Variants in LRRTM4 observed in about 807,000 individuals in gnomAD.
The protein encoded by LRRTM4 is leucine rich repeat transmembrane neuronal 4.
Under a neutral mutation model 47.6 loss-of-function variants are expected in LRRTM4, and 25 were observed. That is an observed-to-expected ratio of 0.53 (90% CI 0.38 to 0.73). The LOEUF is 0.73. Ranked by LOEUF, LRRTM4 falls within the 30% of genes least tolerant of loss-of-function variation. LRRTM4 has a pLI of 0.00. For synonymous variants in LRRTM4, 311 were observed against 269.5 expected, an observed-to-expected ratio of 1.15 and a Z score of -1.51; for missense variants, 638 against 713.4, an observed-to-expected ratio of 0.89 and a Z score of 1.20.
At chr2:77,014,523 T>TATATATATATATATATA (rs1677989293) in intron 3 of LRRTM4, among the ~76,000 whole-genome samples, 5 of 149,694 alleles carry the variant, frequency 3.3e-5, no homozygotes, top group South Asian at 2.1e-4. Context: ...TATATAAAGA[T>TATATATATATATATATA]TTTATAGGCC....
chr2:76,875,308 C>G (rs1045349855), intron 3 of LRRTM4, among the ~76,000 whole-genome samples: 1 of 152,092 alleles, frequency 6.6e-6, no homozygotes, highest in Non-Finnish European at 1.5e-5. Flanking sequence ...CCTGATTTCC[C>G]TCTTGAAACT....
chr2:77,218,050 A>G (rs1674509033), intron 3 of LRRTM4, among the ~76,000 whole-genome samples: 2 of 152,118 alleles, frequency 1.3e-5, no homozygotes, highest in Admixed American at 1.3e-4. Flanking sequence ...GCTGGAGTGC[A>G]GTGGCATGGT....
At chr2:77,083,822 T>TTTTTTTTTTTTTTTC (rs1558569872) in intron 3 of LRRTM4, among the ~76,000 whole-genome samples, 3 of 119,838 alleles carry the variant, frequency 2.5e-5, no homozygotes, top group African/African-American at 1.1e-4. Flanking sequence ...TTTTTTTTTT[T>TTTTTTTTTTTTTTTC]CAGACGGAGT....
At chr2:77,185,703 C>T (rs72913923) in intron 3 of LRRTM4, among the ~76,000 whole-genome samples, 3,507 of 152,160 alleles carry the variant, frequency 0.023, 122 homozygotes, top group African/African-American at 0.08. Context: ...TGCCCATAAG[C>T]CACATGCATC....
intron 3 of LRRTM4, among the ~76,000 whole-genome samples, chr2:77,442,275 A>G (rs74380924): frequency 0.011 from 1,604 of 152,292 alleles, 26 homozygotes; most frequent in African/African-American, 0.036. Flanking sequence ...GGTGAAATCT[A>G]CCACATTCAA....
At chr2:77,321,441 C>T (rs1194963743) in intron 3 of LRRTM4, among the ~76,000 whole-genome samples, 1 of 150,976 alleles carries the variant, frequency 6.6e-6, no homozygotes, top group Non-Finnish European at 1.5e-5. Context: ...TTAGAAAGGT[C>T]TCCCATACAG....
chr2:77,015,804 G>A (rs977521958), intron 3 of LRRTM4, among the ~76,000 whole-genome samples: 1 of 152,076 alleles, frequency 6.6e-6, no homozygotes, highest in Non-Finnish European at 1.5e-5. Flanking sequence ...TACCAAGGAG[G>A]ATAAGAGAAC....
intron 3 of LRRTM4, among the ~76,000 whole-genome samples, chr2:77,510,245 G>T (rs1573510304): frequency 6.6e-6 from 1 of 151,970 alleles, no homozygotes; most frequent in South Asian, 2.1e-4. Flanking sequence ...GTCAGTTAAA[G>T]GAAACAAGAA....
At chr2:77,042,555 C>A (rs1041381711) in intron 3 of LRRTM4, among the ~76,000 whole-genome samples, 1 of 151,596 alleles carries the variant, frequency 6.6e-6, no homozygotes, top group African/African-American at 2.4e-5. Flanking sequence ...TTTTGTATAA[C>A]ACAGTCTAGA....
At chr2:77,429,598 G>T (rs1675275361) in intron 3 of LRRTM4, among the ~76,000 whole-genome samples, 1 of 152,058 alleles carries the variant, frequency 6.6e-6, no homozygotes, top group South Asian at 2.1e-4. Flanking sequence ...AATAAGCCAG[G>T]CACAGAAAGA....
intron 3 of LRRTM4, among the ~76,000 whole-genome samples, chr2:76,878,199 C>T (rs566476866): frequency 2.1e-4 from 32 of 152,190 alleles, no homozygotes; most frequent in East Asian, 5.8e-4. Context: ...GCACAGCAAA[C>T]GGCACTCATA....
intron 3 of LRRTM4, among the ~76,000 whole-genome samples, chr2:77,015,994 A>C (rs1012245622): frequency 3.9e-5 from 6 of 152,078 alleles, no homozygotes; most frequent in Non-Finnish European, 8.8e-5. Flanking sequence ...AGGCAAGAGA[A>C]TCGCTTGAAC....
At chr2:77,061,361 C>T (rs1679778541) in intron 3 of LRRTM4, among the ~76,000 whole-genome samples, 1 of 152,020 alleles carries the variant, frequency 6.6e-6, no homozygotes, top group Non-Finnish European at 1.5e-5. Flanking sequence ...TTTATTCTGT[C>T]TAGTCCACCA....
intron 3 of LRRTM4, among the ~76,000 whole-genome samples, chr2:76,902,695 T>G (rs763200491): frequency 8.5e-5 from 13 of 152,308 alleles, no homozygotes; most frequent in Non-Finnish European, 1.6e-4. Flanking sequence ...CTATTTTAAA[T>G]TTTACCTGGA....
Position 76,848,338 on chromosome 2 carries a change from T to C in LRRTM4, c.1552-99422A>G, listed in dbSNP as rs1671895237. Among the ~76,000 whole-genome samples the C allele has an allele frequency of 4.6e-5, 7 of 152,262 alleles. No homozygotes were observed. In the South Asian group the frequency reaches 1.2e-3, roughly 27 times the overall value. Reference sequence around the variant, plus strand: ...ATAATATCTGAAAACAATAGCTTTATCTACCATCTGCAAATAGTTCAACTT... The same window carrying C: ...ATAATATCTGAAAACAATAGCTTTACCTACCATCTGCAAATAGTTCAACTT... On this transcript the variant is annotated intron_variant, in intron 3 of 3. Coordinates refer to ENST00000409884, the MANE Select transcript of LRRTM4 (RefSeq NM_001134745.3).
chr2:76,851,156 G>A (rs1671981731), intron 3 of LRRTM4, among the ~76,000 whole-genome samples: 1 of 152,148 alleles, frequency 6.6e-6, no homozygotes, highest in Non-Finnish European at 1.5e-5. Context: ...AGGTGCAGCT[G>A]TAAATTTCAG....
At chr2:76,863,227 C>T (rs1314834594) in intron 3 of LRRTM4, among the ~76,000 whole-genome samples, 1 of 152,148 alleles carries the variant, frequency 6.6e-6, no homozygotes, top group African/African-American at 2.4e-5. Context: ...TAATTCAGTC[C>T]TCATGAGGAT....
At chr2:76,790,474 C>A (rs1674914283) in intron 3 of LRRTM4, among the ~76,000 whole-genome samples, 1 of 152,112 alleles carries the variant, frequency 6.6e-6, no homozygotes, top group African/African-American at 2.4e-5. Flanking sequence ...CTTGGGCCAG[C>A]CTCAGTTTCT....
At chr2:77,492,208 T>A (rs1678194400) in intron 3 of LRRTM4, among the ~76,000 whole-genome samples, 3 of 152,200 alleles carry the variant, frequency 2.0e-5, no homozygotes, top group African/African-American at 7.2e-5. Flanking sequence ...ATTAAAATGT[T>A]ATAGAATTTA....
Sources: allele counts gnomAD v4.1 joint callset (sites outside exome capture counted in the v4.1 genomes callset), GRCh38; gene constraint gnomAD v4.1.1; transcripts MANE v1.5; gene names NCBI Gene and HGNC (gene_info 2026-07-23, HGNC 2026-07-21).